The following NAV1 variants were observed in gnomAD, a reference collection of about 807,000 sequenced individuals.
The protein encoded by NAV1 is pore membrane and/or filament interacting like protein 3.
NAV1 carries 18 observed loss-of-function variants against 175.2 expected under a neutral mutation model. The ratio of observed to expected loss-of-function variants is 0.10; its 90% confidence interval spans 0.07 to 0.15. The LOEUF is 0.15. Ranked by LOEUF, NAV1 falls within the 10% of genes least tolerant of loss-of-function variation. NAV1 has a pLI of 1.00. For synonymous variants in NAV1, 897 were observed against 978.7 expected (o/e 0.92, Z 1.56); for missense variants, 1,731 against 2,436.6 (o/e 0.71, Z 6.10).
intron 1 of NAV1, among the ~76,000 whole-genome samples, chr1:201,711,323 G>A (rs675141): frequency 0.35 from 53,724 of 152,126 alleles, 9,752 homozygotes; most frequent in Middle Eastern, 0.41. Context: ...GTGTGGAGCT[G>A]GTTCTCAGAA....
rs923874790 is a variant in NAV1 at position 201,545,570 on chromosome 1, T to A, written c.-144+6228T>A. 3.3e-5 allele frequency among the ~76,000 whole-genome samples: 5 copies of A among 152,110 alleles called. 1 individual carries two copies. Among genetic ancestry groups the A allele is most frequent in the Admixed American group, 6.5e-5 (1 of 15,276 alleles). Reference sequence around the variant, plus strand: ...GCGTGAGCCACTATGCCCAGTCTCATCCTATTTCTTACTCACCTTCCTCAT... The same window carrying A: ...GCGTGAGCCACTATGCCCAGTCTCAACCTATTTCTTACTCACCTTCCTCAT... On this transcript the variant is annotated intron_variant, in intron 1 of 33. Coordinates refer to the NAV1 transcript ENST00000685211.
intron 24 of NAV1, among the ~76,000 whole-genome samples, chr1:201,811,322 G>C (rs764326585): frequency 1.3e-5 from 2 of 152,124 alleles, no homozygotes; most frequent in Non-Finnish European, 2.9e-5. Context: ...GGGGAGGCAT[G>C]CCCATTAGTA....
intron 2 of NAV1, among the ~76,000 whole-genome samples, chr1:201,612,539 A>C (rs1217194274): frequency 6.6e-6 from 1 of 152,200 alleles, no homozygotes; most frequent in East Asian, 1.9e-4. Context: ...AGGTGCCAGC[A>C]GATTTGGTGT....
intron 1 of NAV1, among the ~76,000 whole-genome samples, chr1:201,658,277 C>T (rs1475470941): frequency 6.6e-6 from 1 of 152,046 alleles, no homozygotes; most frequent in Non-Finnish European, 1.5e-5. Flanking sequence ...ATAGAAGTGT[C>T]CAGGCTCATT....
At position 201,813,982 on chromosome 1, in the gene NAV1, G is replaced by A. The variant is rs888232510; in HGVS notation, c.5340+724G>A. Among the ~76,000 whole-genome samples the A allele has an allele frequency of 3.3e-5, 5 of 152,082 alleles. No individual in the cohort carries two copies. Among genetic ancestry groups the A allele is most frequent in the African/African-American group, 4.8e-5 (2 of 41,414 alleles). On this transcript the variant is annotated intron_variant, in intron 28 of 29. Transcript: ENST00000367296. This position sits in a 1 kb window ranked among gnomAD's most constrained non-coding sequence, Gnocchi z 4.2. ...TGAGGCAGGAGAATGGCGTGAACTC[G>A]GGAGGCAAGAGCTTGCAGTGAGCTG...
At chr1:201,644,602 G>A (rs1201251946), upstream of NAV1, among the ~76,000 whole-genome samples, 1 of 152,200 alleles carries the variant, frequency 6.6e-6, no homozygotes, top group African/African-American at 2.4e-5. Flanking sequence ...AAGGGGATTG[G>A]CACTGAATTA....
At chr1:201,598,527 A>G (rs913984119) in intron 2 of NAV1, among the ~76,000 whole-genome samples, 4 of 152,198 alleles carry the variant, frequency 2.6e-5, no homozygotes, top group South Asian at 2.1e-4. Flanking sequence ...AGGAATCGGA[A>G]CTGCCTGAGT....
At chr1:201,572,928 A>C (rs1666589426) in intron 1 of NAV1, among the ~76,000 whole-genome samples, 1 of 152,142 alleles carries the variant, frequency 6.6e-6, no homozygotes, top group African/African-American at 2.4e-5. Flanking sequence ...ATGCTGTCCA[A>C]CCCTGCTCCT....
At chr1:201,815,378 A>C (rs1238667120) in intron 28 of NAV1, among the ~76,000 whole-genome samples, 2 of 152,140 alleles carry the variant, frequency 1.3e-5, no homozygotes, top group East Asian at 3.9e-4. Context: ...CTTGTCACTT[A>C]AAAAAAGGTG....
chr1:201,769,054 A>T (rs1330310921), intron 3 of NAV1, among the ~76,000 whole-genome samples: 2 of 152,164 alleles, frequency 1.3e-5, no homozygotes, highest in Non-Finnish European at 1.5e-5. Context: ...GTATGTATTT[A>T]ATTCTAACTT....
intron 2 of NAV1, among the ~76,000 whole-genome samples, chr1:201,595,099 C>G (rs1275791874): frequency 6.6e-6 from 1 of 152,212 alleles, no homozygotes; most frequent in Non-Finnish European, 1.5e-5. Flanking sequence ...ACCTCCAAGG[C>G]TGAGAGTCTG....
At chr1:201,629,427 G>T in exon 2 of NAV1, 1 of 1,303,916 alleles carries the variant, frequency 7.7e-7, no homozygotes, top group South Asian at 1.2e-5. Flanking sequence ...CAGAAACCTG[G>T]CCCCCTCTCC....
chr1:201,798,300 A>G (rs2102768528), intron 15 of NAV1: 1 of 152,336 alleles, frequency 6.6e-6, no homozygotes, highest in East Asian at 1.9e-4. Context: ...TCGTTCTTCC[A>G]GTGCTTTCCT....
intron 1 of NAV1, among the ~76,000 whole-genome samples, chr1:201,711,625 G>A (rs1030545278): frequency 6.6e-6 from 1 of 152,242 alleles, no homozygotes; most frequent in Non-Finnish European, 1.5e-5. Context: ...TGGAGAGCCA[G>A]AGTTCTTGGG....
At chr1:201,703,645 C>T (rs1671539720) in intron 1 of NAV1, among the ~76,000 whole-genome samples, 1 of 152,358 alleles carries the variant, frequency 6.6e-6, no homozygotes, top group Non-Finnish European at 1.5e-5. Flanking sequence ...ATTGCTTTCT[C>T]CTGGAACTTT....
rs796612435 is a variant in NAV1 at position 201,702,612 on chromosome 1, CA to C, written c.758-10204del. ...CTTGAATTCCTGACCTCAAGTGATC[CA>C]CCAGCGTCGGCTCCCAAATGAACTG... On this transcript the variant is annotated intron_variant, in intron 1 of 29. Coordinates refer to ENST00000367296, the Ensembl canonical transcript of NAV1. 5.3e-5 allele frequency among the ~76,000 whole-genome samples: 8 copies of C among 151,918 alleles called. No homozygotes were observed. In the South Asian group the frequency reaches 1.7e-3, roughly 32 times the overall value.
In NAV1 at chr1:201,788,628, CACGG is replaced by C. The variant is rs1217181223; in HGVS notation, c.3160_3163del (p.Asp1054MetfsTer46). The C allele has an allele frequency of 6.2e-7, 1 of 1,611,592 alleles. No individual in the cohort carries two copies. Among genetic ancestry groups the C allele is most frequent in the Non-Finnish European group, 8.5e-7 (1 of 1,178,604 alleles). On this transcript the variant is annotated frameshift_variant, in exon 10 of 30. Coordinates refer to ENST00000367296, the Ensembl canonical transcript of NAV1. LOFTEE classifies it high-confidence loss of function. This position sits in a 1 kb window ranked among gnomAD's most constrained non-coding sequence, Gnocchi z 5.7. ...TTCGGTCAGGATCCTTCCGAGACCC[CACGG>C]ACGATGGTGAGACTTCATGCTAGCG... is the stretch of plus-strand genomic sequence containing the variant.
intron 1 of NAV1, 85 bp from the exon 6 acceptor site, chr1:201,712,732 C>T: frequency 2.2e-6 from 2 of 913,148 alleles, no homozygotes; most frequent in East Asian, 2.4e-5. Flanking sequence ...CTCCTGGGGA[C>T]ACTGTCAATC....
intron 28 of NAV1, 141 bp from the exon 33 acceptor site, chr1:201,816,947 T>A: frequency 1.4e-6 from 1 of 695,196 alleles, no homozygotes; most frequent in Non-Finnish European, 2.4e-6. Flanking sequence ...ATGCTGGGAT[T>A]ACAGGCATGA....
Sources: gnomAD v4.1 joint callset for allele counts (sites outside exome capture counted in the v4.1 genomes callset) on GRCh38, gnomAD v4.1.1 for gene constraint, Gnocchi (gnomAD v3.1) non-coding constraint, MANE v1.5 for transcripts, NCBI Gene and HGNC (gene_info 2026-07-23, HGNC 2026-07-21) for gene names.